Variants in SLC2A2 observed in about 807,000 individuals in gnomAD.
SLC2A2 encodes the protein solute carrier family 2, facilitated glucose transporter member 2.
Under a neutral mutation model 54.5 loss-of-function variants are expected in SLC2A2, and 36 were observed. The ratio of observed to expected loss-of-function variants is 0.66; its 90% CI spans 0.51 to 0.87. The LOEUF is 0.87. SLC2A2 is among the 40% of genes least tolerant of loss of function. The pLI is 0.00. For missense variants in SLC2A2, 543 were observed against 624.3 expected (o/e 0.87, Z 1.39); for synonymous variants, 223 against 219.1 (o/e 1.02, Z -0.16).
intron 2 of SLC2A2, among the ~76,000 whole-genome samples, chr3:171,016,637 C>A (rs1404560963): frequency 7.2e-6 from 1 of 138,516 alleles, no homozygotes; most frequent in African/African-American, 3.0e-5. Context: ...TGTCATTCAG[C>A]TGATTAAAAA....
chr3:170,997,594 G>T lies in SLC2A2; in HGVS notation c.*309C>A. 3.4e-6 allele frequency: 1 copy of T among 296,418 alleles called. No individual in the cohort carries two copies. The allele number at this position is 296,418 out of a possible 1,614,324, so 18.4% of individuals were successfully genotyped here. A position where few individuals can be genotyped will look rare whatever the true frequency, so the allele number is the denominator to read the frequency against. ...TTATGTGTTAAAAAAATGATATGTTGAAATCTCTTCAATTTTAGAAGAACC... is the reference window on the plus strand; with the variant it reads ...TTATGTGTTAAAAAAATGATATGTTTAAATCTCTTCAATTTTAGAAGAACC... On this transcript the variant is annotated 3_prime_UTR_variant, in exon 11 of 11. Transcript: ENST00000314251.
At chr3:171,006,185 T>C in intron 5 of SLC2A2, 80 bp from the exon 6 acceptor site, 1 of 1,375,564 alleles carries the variant, frequency 7.3e-7, no homozygotes, top group Non-Finnish European at 1.0e-6. Context: ...AAAAAGTACT[T>C]TGGCTATTTA....
intron 2 of SLC2A2, among the ~76,000 whole-genome samples, chr3:171,015,678 T>A (rs1716119343): frequency 6.6e-6 from 1 of 152,056 alleles, no homozygotes; most frequent in Non-Finnish European, 1.5e-5. Flanking sequence ...TTGTTGGAAG[T>A]GAGCTATAGA....
intron 5 of SLC2A2, among the ~76,000 whole-genome samples, chr3:171,006,600 C>T (rs1247857758): frequency 6.6e-6 from 1 of 152,072 alleles, no homozygotes; most frequent in East Asian, 1.9e-4. Context: ...ACTGTCTTGG[C>T]GATTCCTATG....
intron 5 of SLC2A2, among the ~76,000 whole-genome samples, chr3:171,006,692 G>A (rs577238034): frequency 6.6e-6 from 1 of 152,112 alleles, no homozygotes; most frequent in East Asian, 1.9e-4. Context: ...TAGAAGGGAA[G>A]GATAGACTCA....
rs75937191 is a variant in SLC2A2, at chr3:171,005,582, T to C, written c.776-110A>G. 4,109 of 825,572 alleles carry C rather than the reference T, an allele frequency of 5.0e-3. 117 individuals carry two copies. The African/African-American group carries it at 0.061, about 12-fold the overall frequency. The allele number at this position is 825,572 out of a possible 1,614,324, so 51.1% of individuals were successfully genotyped here. On this transcript the variant is annotated intron_variant, in intron 6 of 10. Coordinates refer to ENST00000314251, the MANE Select transcript of SLC2A2 (RefSeq NM_000340.2). ...CTGCATGCCCCATTGTATTACTTAA[T>C]AGCATGGGTGTTGGAAATTCTTTTT...
intron 7 of SLC2A2, 44 bp from the exon 8 acceptor site, chr3:171,002,724 C>T: frequency 9.4e-7 from 1 of 1,059,460 alleles, no homozygotes; most frequent in Non-Finnish European, 1.5e-6. Context: ...AGAAGTCTGG[C>T]ACTGATATCT....
At chr3:171,008,600 A>G (rs946026041) in intron 4 of SLC2A2, among the ~76,000 whole-genome samples, 1 of 152,082 alleles carries the variant, frequency 6.6e-6, no homozygotes, top group Non-Finnish European at 1.5e-5. Context: ...CAATATATTT[A>G]TAGCATTTGT....
chr3:171,020,385 G>T lies in SLC2A2; in HGVS notation c.16-1762C>A, dbSNP rs1249507147. Among the ~76,000 whole-genome samples, 5 of 152,050 alleles carry T rather than the reference G, an allele frequency of 3.3e-5. No homozygotes were observed. In the East Asian group the frequency reaches 9.6e-4, roughly 29 times the overall value. On this transcript the variant is annotated intron_variant, in intron 1 of 10. Transcript: ENST00000314251. The stretch of plus-strand genomic sequence containing the variant: ...CTTCTACTGGATTAGAATCTCTGGG[G>T]TGGGGATAGGGAATCTGTAGGTTTA...
chr3:171,001,989 A>T (rs900870003), intron 8 of SLC2A2, among the ~76,000 whole-genome samples: 6 of 151,814 alleles, frequency 4.0e-5, no homozygotes, highest in African/African-American at 1.5e-4. Context: ...ATAATCTCAC[A>T]CATACTCTCA....
At chr3:171,018,658 A>G (rs1400246673) in intron 1 of SLC2A2, 35 bp from the exon 2 acceptor site, 3 of 1,429,326 alleles carry the variant, frequency 2.1e-6, no homozygotes, top group African/African-American at 2.8e-5. Flanking sequence ...GGGAAACACC[A>G]GGCAATTTTA....
chr3:171,007,186 G>A lies in SLC2A2; in HGVS notation c.574C>T (p.His192Tyr). 6.2e-7 allele frequency: 1 copy of A among 1,612,666 alleles called. No homozygotes were observed. Among genetic ancestry groups the A allele is most frequent in the Non-Finnish European group, 8.5e-7 (1 of 1,179,054 alleles). ...TALRGALGTFHQLAIVTGILI... is the reference protein window; with the variant it reads ...TALRGALGTFYQLAIVTGILI... Reference sequence around the variant, plus strand: ...ATGCCCGTGACGATGGCCAGCTGATGAAAAGTGCCAAGTGCTCCCCTGAGA... The same window carrying A: ...ATGCCCGTGACGATGGCCAGCTGATAAAAAGTGCCAAGTGCTCCCCTGAGA... Residue 192 changes from histidine (H) to tyrosine (Y), a missense_variant, in exon 5 of 11, where the codon CAT becomes TAT. His to Tyr is a moderately conservative substitution (Grantham distance 83). Coordinates refer to ENST00000314251, the MANE Select transcript of SLC2A2 (RefSeq NM_000340.2).
rs961479422 is a variant in SLC2A2 at position 171,001,922 on chromosome 3, C to CT, written c.1068+653dup. ...ATTTGGTTTTAAGAAGAGTATATGA[C>CT]TTTTTTTTTTGTTGGAAGAAAACAA... On this transcript the variant is annotated intron_variant, in intron 8 of 10. Coordinates refer to ENST00000314251, the MANE Select transcript of SLC2A2 (RefSeq NM_000340.2). Among the ~76,000 whole-genome samples the CT allele has an allele frequency of 4.9e-3, 717 of 146,262 alleles. 8 individuals carry two copies. Among genetic ancestry groups the CT allele is most frequent in the African/African-American group, 0.017 (674 of 39,808 alleles).
At chr3:171,006,606 C>G (rs1715615020) in intron 5 of SLC2A2, among the ~76,000 whole-genome samples, 1 of 151,902 alleles carries the variant, frequency 6.6e-6, no homozygotes, top group African/African-American at 2.4e-5. Flanking sequence ...TTGGCGATTC[C>G]TATGGCAACA....
At chr3:171,019,664 C>G (rs1489114986) in intron 1 of SLC2A2, among the ~76,000 whole-genome samples, 1 of 152,174 alleles carries the variant, frequency 6.6e-6, no homozygotes, top group African/African-American at 2.4e-5. Context: ...CATCATAATA[C>G]ATACATCAGA....
chr3:171,024,040 GA>G (rs1560043936), intron 1 of SLC2A2, among the ~76,000 whole-genome samples: 1 of 152,010 alleles, frequency 6.6e-6, no homozygotes, highest in Admixed American at 6.6e-5. Context: ...GGGTCTATTA[GA>G]AAAAAACAAA....
chr3:171,020,294 G>A (rs1040958506), intron 1 of SLC2A2, among the ~76,000 whole-genome samples: 2 of 152,066 alleles, frequency 1.3e-5, no homozygotes, highest in African/African-American at 4.8e-5. Flanking sequence ...TAGTCCAGTG[G>A]TTCTAAAACC....
intron 8 of SLC2A2, 65 bp downstream of exon 8, chr3:171,002,511 C>G: frequency 9.6e-7 from 1 of 1,046,768 alleles, no homozygotes; most frequent in Non-Finnish European, 1.5e-6. Flanking sequence ...GCCGAAGTTC[C>G]CCACCCCTCC....
chr3:171,019,786 A>G (rs980504717), intron 1 of SLC2A2, among the ~76,000 whole-genome samples: 5 of 152,218 alleles, frequency 3.3e-5, no homozygotes, highest in South Asian at 2.1e-4. Context: ...AGGCTTAAAC[A>G]TGAGTTTGTT....
Sources: gnomAD v4.1 joint callset for allele counts (sites outside exome capture counted in the v4.1 genomes callset) on GRCh38, gnomAD v4.1.1 for gene constraint, MANE v1.5 for transcripts, NCBI Gene and HGNC (gene_info 2026-07-23, HGNC 2026-07-21) for gene names.